The following CIMAP1C variants were observed in gnomAD, a reference collection of about 807,000 sequenced individuals.
CIMAP1C encodes the protein ciliary microtubule associated protein 1C, also known as outer dense fiber of sperm tails 3 like 1.
chr15:75,726,557 C>T, the CIMAP1C span, among the ~76,000 whole-genome samples: 5 of 152,160 alleles, frequency 3.3e-5, no homozygotes, highest in South Asian at 6.2e-4. Flanking sequence ...TGGTTTTTTA[C>T]ATGATGACCA....
At chr15:75,725,250 G>T in the CIMAP1C span, 700 of 1,487,302 alleles carry the variant, frequency 4.7e-4, 1 homozygote, top group Non-Finnish European at 6.2e-4. Context: ...ATCCGGCTGG[G>T]GTTGGAGCTG....
the CIMAP1C span, chr15:75,726,999 G>A: frequency 1.9e-6 from 3 of 1,559,646 alleles, no homozygotes; most frequent in South Asian, 1.2e-5. Flanking sequence ...CAGTTGGCTA[G>A]CAGAGAATGA....
the CIMAP1C span, chr15:75,724,353 C>T: frequency 1.7e-5 from 25 of 1,433,366 alleles, 1 homozygote; most frequent in East Asian, 4.8e-4. Flanking sequence ...TGGGCCCCCT[C>T]CCCTCTCTCC....
At chr15:75,727,563 G>GC in the CIMAP1C span, 1 of 1,530,160 alleles carries the variant, frequency 6.5e-7, no homozygotes, top group African/African-American at 1.4e-5. Context: ...GGCACTCACT[G>GC]CCCCTCATCC....
chr15:75,727,151 C>A, the CIMAP1C span: 7 of 1,614,094 alleles, frequency 4.3e-6, no homozygotes, highest in African/African-American at 1.3e-5. Flanking sequence ...GTTTGGCTAC[C>A]GGCGCCCATA....
the CIMAP1C span, chr15:75,725,196 G>T: frequency 3.1e-6 from 5 of 1,613,270 alleles, no homozygotes; most frequent in African/African-American, 6.7e-5. Context: ...CTTATACCCT[G>T]CATAGCCGGC....
At chr15:75,724,450 A>T in the CIMAP1C span, 3 of 686,134 alleles carry the variant, frequency 4.4e-6, no homozygotes, top group East Asian at 7.6e-5. Context: ...GCTGACCCTC[A>T]CAGGCAGTGT....
the CIMAP1C span, chr15:75,726,234 G>C: frequency 6.3e-6 from 7 of 1,110,606 alleles, no homozygotes; most frequent in African/African-American, 1.1e-4. Context: ...TGCACCCTTA[G>C]GACCTGGGCA....
chr15:75,725,632 G>T, the CIMAP1C span, among the ~76,000 whole-genome samples: 2 of 152,350 alleles, frequency 1.3e-5, no homozygotes, highest in South Asian at 4.1e-4. Context: ...GGCCACAGAT[G>T]ACCTATGCTG....
At chr15:75,724,265 G>T in the CIMAP1C span, 1 of 1,614,170 alleles carries the variant, frequency 6.2e-7, no homozygotes, top group South Asian at 1.1e-5. Flanking sequence ...AGGAGCCATT[G>T]CCCTCAAGGC....
At chr15:75,727,424 C>G in the CIMAP1C span, 12 of 1,614,022 alleles carry the variant, frequency 7.4e-6, no homozygotes, top group Admixed American at 1.3e-4. Flanking sequence ...ACGGCCTGGC[C>G]CCGGCTCCCA....
At chr15:75,727,403 G>A in the CIMAP1C span, 69 of 1,613,956 alleles carry the variant, frequency 4.3e-5, 1 homozygote, top group African/African-American at 8.5e-4. Context: ...CTACCCTCTG[G>A]ACCTCACGCC....
chr15:75,725,991 G>A, the CIMAP1C span: 1 of 1,018,124 alleles, frequency 9.8e-7, no homozygotes, highest in Non-Finnish European at 1.5e-6. Flanking sequence ...CTTGCCTGGA[G>A]GCAGGCCAGG....
chr15:75,727,054 T>C, the CIMAP1C span: 2 of 1,610,014 alleles, frequency 1.2e-6, no homozygotes, highest in Admixed American at 1.7e-5. Context: ...GCCACTCCCT[T>C]TCAGGCCTGA....
At chr15:75,725,088 T>C in the CIMAP1C span, 25 of 1,572,262 alleles carry the variant, frequency 1.6e-5, no homozygotes, top group African/African-American at 2.2e-4. Context: ...GGCTGAGGGC[T>C]GTCCTGTCCA....
At chr15:75,727,275 A>G in the CIMAP1C span, 3 of 1,614,202 alleles carry the variant, frequency 1.9e-6, no homozygotes, top group Non-Finnish European at 2.5e-6. Flanking sequence ...TCCAGGGACA[A>G]GAACTGGTTC....
At chr15:75,726,285 T>C in the CIMAP1C span, 1 of 663,546 alleles carries the variant, frequency 1.5e-6, no homozygotes, top group South Asian at 1.8e-5. Context: ...AATGTCTGGA[T>C]GCCGGTATCT....
chr15:75,727,211 T>G, the CIMAP1C span: 1 of 1,614,026 alleles, frequency 6.2e-7, no homozygotes, highest in Non-Finnish European at 8.5e-7. Context: ...GATGCCACTC[T>G]TGCTGGGGCC....
the CIMAP1C span, chr15:75,726,113 T>A: frequency 6.2e-7 from 1 of 1,613,370 alleles, no homozygotes; most frequent in Non-Finnish European, 8.5e-7. Context: ...CCAAAATAAC[T>A]CGGTTTGGAA....
Sources: allele counts gnomAD v4.1 joint callset (sites outside exome capture counted in the v4.1 genomes callset), GRCh38; gene constraint gnomAD v4.1.1; transcripts MANE v1.5; gene names NCBI Gene and HGNC (gene_info 2026-07-23, HGNC 2026-07-21).